The following USP24 variants were observed in gnomAD, a reference collection of about 807,000 sequenced individuals.
USP24 encodes the protein ubiquitin carboxyl-terminal hydrolase 24.
A neutral mutation model predicts 361.6 loss-of-function variants in USP24; 97 were observed. The ratio of observed to expected loss-of-function variants is 0.27; its 90% CI spans 0.23 to 0.32. The LOEUF is 0.32. Among genes scored for constraint, USP24 ranks in the 10% least tolerant of loss-of-function variants. USP24 has a pLI of 1.00. For missense variants in USP24, 2,353 were observed against 3,165.6 expected, an observed-to-expected ratio of 0.74 and a Z score of 6.16; for synonymous variants, 1,098 against 1,124.6, an observed-to-expected ratio of 0.98 and a Z score of 0.47.
intron 10 of USP24, among the ~76,000 whole-genome samples, chr1:55,157,806 C>T (rs1425979952): frequency 6.6e-6 from 1 of 150,884 alleles, no homozygotes; most frequent in Non-Finnish European, 1.5e-5. Context: ...TGCACTCCAG[C>T]CTGGGTGACA....
intron 36 of USP24, among the ~76,000 whole-genome samples, chr1:55,122,410 A>AAAGTGTCCACCCCCTTGTAAAGG (rs1646308400): frequency 6.6e-6 from 1 of 152,204 alleles, no homozygotes; most frequent in Admixed American, 6.5e-5. Flanking sequence ...ATCAAGTGGT[A>AAAGTGTCCACCCCCTTGTAAAGG]CACAGTGTCC....
intron 5 of USP24, among the ~76,000 whole-genome samples, chr1:55,170,172 C>T: frequency 6.6e-6 from 1 of 151,652 alleles, no homozygotes; most frequent in East Asian, 1.9e-4. Context: ...AGTAACAATC[C>T]CAACAGTGAG....
chr1:55,125,842 C>A lies in USP24; in HGVS notation c.3636-84G>T, dbSNP rs150274607. ...ATTTTCCATAAGTAATGTAATCAGT[C>A]ATCATCAATTACTTAGTTTCTACAT... On this transcript the variant is annotated intron_variant, in intron 32 of 67. Transcript: ENST00000294383. 3.6e-6 allele frequency: 4 copies of A among 1,105,510 alleles called. No homozygotes were observed. The Admixed American group carries it at 7.2e-5, about 20-fold the overall frequency. The allele number at this position is 1,105,510 out of a possible 1,614,324, so 68.5% of individuals were successfully genotyped here.
chr1:55,073,911 G>T lies in USP24; in HGVS notation c.7448-5C>A. 1 of 1,565,616 alleles carries T rather than the reference G, an allele frequency of 6.4e-7. No homozygotes were observed. On this transcript the variant is annotated splice_polypyrimidine_tract_variant and splice_region_variant and intron_variant, in intron 63 of 67. Coordinates refer to ENST00000294383, the MANE Select transcript of USP24 (RefSeq NM_015306.3). ...GATTACTGTGGTGCATCAAAGCTGA[G>T]GGAAGAGAAAAGGACATTTTAACAA... is the stretch of plus-strand genomic sequence containing the variant.
chr1:55,124,825 C>T (rs1253445572), intron 34 of USP24, among the ~76,000 whole-genome samples, 197 bp from the exon 35 acceptor site: 1 of 152,206 alleles, frequency 6.6e-6, no homozygotes, highest in Non-Finnish European at 1.5e-5. Flanking sequence ...GATTGATCTT[C>T]ATGCTGTGGC....
intron 36 of USP24, among the ~76,000 whole-genome samples, chr1:55,122,645 A>C (rs1646315480): frequency 6.6e-6 from 1 of 152,144 alleles, no homozygotes; most frequent in African/African-American, 2.4e-5. Flanking sequence ...AAGGGGTGTT[A>C]AGGGGTAGAA....
At chr1:55,124,117 G>A (rs1257990908) in intron 35 of USP24, among the ~76,000 whole-genome samples, 2 of 152,094 alleles carry the variant, frequency 1.3e-5, no homozygotes, top group African/African-American at 2.4e-5. Flanking sequence ...AAATAACCTG[G>A]CAAACCAAGA....
chr1:55,079,785 TCACACACTGAGTACTCA>T (rs1312113833), intron 59 of USP24, 126 bp from the exon 60 acceptor site: 10 of 1,230,658 alleles, frequency 8.1e-6, no homozygotes, highest in Non-Finnish European at 1.1e-5. Flanking sequence ...CACAGAGTAC[TCACACACTGAGTACTCA>T]CACACTGAGT....
intron 1 of USP24, 70 bp from the exon 2 acceptor site, chr1:55,178,202 AAC>A: frequency 1.3e-6 from 2 of 1,499,096 alleles, no homozygotes; most frequent in Admixed American, 2.0e-5. Context: ...TTTCCTATGT[AAC>A]ACAGAGCAGA....
At chr1:55,177,837 G>T in intron 2 of USP24, 130 bp downstream of exon 2, 1 of 810,596 alleles carries the variant, frequency 1.2e-6, no homozygotes, top group Admixed American at 3.3e-5. Context: ...TTCTGCAGGA[G>T]ATAAGTGAAG....
In USP24 at chr1:55,121,252, T is replaced by C. The variant is rs1371681390; in HGVS notation, c.4347+184A>G. Among the ~76,000 whole-genome samples, 5 of 152,092 alleles carry C rather than the reference T, an allele frequency of 3.3e-5. No homozygotes were observed. In the East Asian group the frequency reaches 5.8e-4, roughly 18 times the overall value. ...AACTTTTGGTGGCATATGGAGGAGG[T>C]AGTAGAAGGAAAGGCAGTAGAGTCC... On this transcript the variant is annotated intron_variant, in intron 37 of 67. Coordinates refer to ENST00000294383, the MANE Select transcript of USP24 (RefSeq NM_015306.3).
intron 21 of USP24, among the ~76,000 whole-genome samples, chr1:55,143,700 C>T (rs971098208): frequency 1.3e-5 from 2 of 151,844 alleles, no homozygotes; most frequent in Admixed American, 6.6e-5. Context: ...TCCTGCCTCA[C>T]TGTCTATTCC....
At chr1:55,085,072 T>G (rs1450449753) in intron 56 of USP24, among the ~76,000 whole-genome samples, 1 of 152,098 alleles carries the variant, frequency 6.6e-6, no homozygotes, top group African/African-American at 2.4e-5. Flanking sequence ...TTCTATATTT[T>G]GCATCTAGGT....
rs373523167 is a variant in USP24, at chr1:55,165,909, G to C, written c.903C>G (p.Leu301=). 1.3e-5 allele frequency: 21 copies of C among 1,606,604 alleles called. No individual in the cohort carries two copies. The East Asian group carries it at 2.5e-4, about 19-fold the overall frequency. The change falls in exon 7 of 68, where the codon CTC becomes CTG. Residue 301 remains leucine (L), a synonymous_variant. Transcript: ENST00000294383. ...LGGFAAIQAK[L]HSEDIELGAV... ...CCCCAAGTTCTATATCTTCTGAATG[G>C]AGCTTGGCTTGGATTGCTGCAAATC...
intron 58 of USP24, 134 bp from the exon 59 acceptor site, chr1:55,081,558 T>A: frequency 2.4e-6 from 2 of 828,166 alleles, no homozygotes; most frequent in Admixed American, 2.3e-5. Context: ...GAGGTCAAGG[T>A]ACAAAAAAAT....
intron 19 of USP24, among the ~76,000 whole-genome samples, chr1:55,146,670 T>C (rs1295709093): frequency 6.6e-6 from 1 of 152,202 alleles, no homozygotes; most frequent in African/African-American, 2.4e-5. Context: ...AAAACTTAAA[T>C]ATATCTAGAA....
At chr1:55,171,809 G>T in intron 4 of USP24, 131 bp from the exon 5 acceptor site, 1 of 1,036,918 alleles carries the variant, frequency 9.6e-7, no homozygotes, top group African/African-American at 1.6e-5. Flanking sequence ...TACACCGAAA[G>T]CATACGCCTT....
intron 38 of USP24, among the ~76,000 whole-genome samples, chr1:55,114,599 A>G (rs2100567690): frequency 6.6e-6 from 1 of 152,310 alleles, no homozygotes; most frequent in African/African-American, 2.4e-5. Flanking sequence ...CATCTACTAC[A>G]ACTATCTGAT....
intron 23 of USP24, among the ~76,000 whole-genome samples, 174 bp from the exon 24 acceptor site, chr1:55,141,905 G>C (rs1646900182): frequency 6.6e-6 from 1 of 152,088 alleles, no homozygotes; most frequent in Non-Finnish European, 1.5e-5. Flanking sequence ...CTTCTAGTTG[G>C]ACAACCAAAA....
Sources: gnomAD v4.1 joint callset for allele counts (sites outside exome capture counted in the v4.1 genomes callset) on GRCh38, gnomAD v4.1.1 for gene constraint, MANE v1.5 for transcripts, NCBI Gene and HGNC (gene_info 2026-07-23, HGNC 2026-07-21) for gene names.